The following SOX6 variants were observed in gnomAD, a reference collection of about 807,000 sequenced individuals.
SOX6 encodes the protein transcription factor SOX-6.
A neutral mutation model predicts 97.8 loss-of-function variants in SOX6; 11 were observed. The observed-to-expected ratio is 0.11, with a 90% CI of 0.07 to 0.19. The LOEUF is 0.19. Among genes scored for constraint, SOX6 ranks in the 10% least tolerant of loss-of-function variants. The probability of loss-of-function intolerance (pLI) is 1.00; values close to 1 mark genes in which losing one functional copy is unlikely to be tolerated. For synonymous variants in SOX6, 360 were observed against 371.4 expected, an observed-to-expected ratio of 0.97 and a Z score of 0.35; for missense variants, 810 against 1,039.5, an observed-to-expected ratio of 0.78 and a Z score of 3.04.
chr11:16,509,741 G>C (rs1003693001), intron 4 of SOX6, among the ~76,000 whole-genome samples: 3 of 151,914 alleles, frequency 2.0e-5, no homozygotes, highest in Non-Finnish European at 4.4e-5. Context: ...GCAATAAACA[G>C]CTCTTTCTTC....
At chr11:16,174,646 T>A (rs1160148340) in intron 6 of SOX6, among the ~76,000 whole-genome samples, 1 of 151,946 alleles carries the variant, frequency 6.6e-6, no homozygotes. Flanking sequence ...CTGTTTAACT[T>A]CTTAAATTCT....
intron 3 of SOX6, among the ~76,000 whole-genome samples, chr11:16,612,577 C>CG (rs545800806): frequency 2.6e-3 from 82 of 31,434 alleles, no homozygotes; most frequent in African/African-American, 9.8e-3. Context: ...CACATTGAGG[C>CG]GGGGGGGCGG....
chr11:16,485,964 AGGGGAGG>A (rs1860424374), intron 4 of SOX6, among the ~76,000 whole-genome samples: 1 of 2,384 alleles, frequency 4.2e-4, no homozygotes, highest in Non-Finnish European at 6.2e-4. Context: ...AGGGGAGGGG[AGGGGAGG>A]GGAGGGGAGG....
intron 13 of SOX6, among the ~76,000 whole-genome samples, chr11:16,013,245 T>C (rs1026475410): frequency 2.6e-5 from 4 of 152,042 alleles, no homozygotes; most frequent in South Asian, 4.1e-4. Context: ...ACAGACTGAA[T>C]ACTCCAAAGT....
chr11:16,076,161 G>A (rs1364463411), intron 9 of SOX6, among the ~76,000 whole-genome samples: 1 of 152,052 alleles, frequency 6.6e-6, no homozygotes, highest in Non-Finnish European at 1.5e-5. Flanking sequence ...AAAAATCCTG[G>A]AAGATAACCT....
chr11:16,512,427 A>G (rs1860894373), intron 4 of SOX6, among the ~76,000 whole-genome samples: 3 of 152,342 alleles, frequency 2.0e-5, no homozygotes, highest in Middle Eastern at 3.4e-3. Context: ...CAACTATGCT[A>G]AAATCCATGT....
At chr11:16,490,158 T>G (rs1328154915) in intron 4 of SOX6, among the ~76,000 whole-genome samples, 1 of 152,048 alleles carries the variant, frequency 6.6e-6, no homozygotes, top group East Asian at 1.9e-4. Flanking sequence ...AGCCATATGG[T>G]CTCTCTACTC....
In SOX6 at chr11:16,613,769, T is replaced by C. The variant is rs534019765; in HGVS notation, n.430-1509A>G. On this transcript the variant is annotated intron_variant and non_coding_transcript_variant, in intron 3 of 5. Coordinates refer to the SOX6 transcript ENST00000524520. This position sits in a 1 kb window ranked among gnomAD's most constrained non-coding sequence, Gnocchi z 4.6. ...AAACTAGACTGTTCCGTGGATGAAC[T>C]GCGAGGATGCCGGCGGTCAGGCTTG... Among the ~76,000 whole-genome samples the C allele has an allele frequency of 1.3e-5, 2 of 152,326 alleles. No individual in the cohort carries two copies. Among genetic ancestry groups the C allele is most frequent in the South Asian group, 2.1e-4 (1 of 4,828 alleles).
At chr11:16,115,125 G>A (rs911586096) in intron 6 of SOX6, among the ~76,000 whole-genome samples, 5 of 152,102 alleles carry the variant, frequency 3.3e-5, no homozygotes, top group African/African-American at 9.7e-5. Flanking sequence ...AATAACTTGA[G>A]AGAAAAAGTA....
intron 1 of SOX6, among the ~76,000 whole-genome samples, chr11:16,475,311 G>A (rs920124609): frequency 6.6e-6 from 1 of 152,164 alleles, no homozygotes; most frequent in African/African-American, 2.4e-5. Flanking sequence ...TGGTACAAGA[G>A]GCCTAGCTTT....
At chr11:16,170,483 C>T (rs1851009328) in intron 6 of SOX6, among the ~76,000 whole-genome samples, 1 of 151,684 alleles carries the variant, frequency 6.6e-6, no homozygotes, top group African/African-American at 2.4e-5. Flanking sequence ...TTTTAGATTT[C>T]TTGCCAGATA....
intron 13 of SOX6, among the ~76,000 whole-genome samples, chr11:16,012,745 C>T (rs533948650): frequency 7.1e-4 from 108 of 151,904 alleles, no homozygotes; most frequent in African/African-American, 2.3e-3. Context: ...TGGCTCATAG[C>T]GAGTAATTTA....
At chr11:16,230,490 T>C (rs1039292443) in intron 4 of SOX6, among the ~76,000 whole-genome samples, 1 of 151,610 alleles carries the variant, frequency 6.6e-6, no homozygotes, top group African/African-American at 2.4e-5. Context: ...ATGAAAAATA[T>C]CTCATTCACA....
chr11:16,443,429 A>G (rs955473694), intron 1 of SOX6, among the ~76,000 whole-genome samples: 1 of 152,194 alleles, frequency 6.6e-6, no homozygotes, highest in South Asian at 2.1e-4. Flanking sequence ...TTATCTCTGC[A>G]TTTTGATTTA....
In SOX6 at chr11:16,080,101, AC is replaced by A. The variant is rs566739352; in HGVS notation, c.1101+15894del. ...ACTTAAAGTATAATTAAAAAAAAAA[AC>A]ATTCTCATCACACCAAAAAAAAAAT... On this transcript the variant is annotated intron_variant, in intron 9 of 15. Coordinates refer to ENST00000683767, the MANE Select transcript of SOX6 (RefSeq NM_001367873.1). Among the ~76,000 whole-genome samples, 134 of 151,128 alleles carry A rather than the reference AC, an allele frequency of 8.9e-4. 1 individual carries two copies. The South Asian group carries it at 0.017, about 20-fold the overall frequency.
intron 3 of SOX6, among the ~76,000 whole-genome samples, chr11:16,643,260 A>T (rs374306942): frequency 4.7e-4 from 72 of 152,270 alleles, no homozygotes; most frequent in African/African-American, 1.6e-3. Flanking sequence ...TTGCTGCCTG[A>T]TCCTTCCTCT....
chr11:16,318,321 C>T, intron 3 of SOX6, 125 bp downstream of exon 3: 1 of 1,026,360 alleles, frequency 9.7e-7, no homozygotes, highest in Non-Finnish European at 1.5e-6. Context: ...CTCTGAATAA[C>T]TTTTTCCTAG....
intron 4 of SOX6, among the ~76,000 whole-genome samples, chr11:16,543,981 G>C (rs1847584469): frequency 6.6e-6 from 1 of 152,126 alleles, no homozygotes; most frequent in South Asian, 2.1e-4. Context: ...GATGTCTGTT[G>C]ACAGGTGAAT....
At chr11:16,259,272 A>G (rs1853798130) in intron 3 of SOX6, among the ~76,000 whole-genome samples, 2 of 152,034 alleles carry the variant, frequency 1.3e-5, no homozygotes, top group African/African-American at 4.8e-5. Context: ...ATATTACTTT[A>G]ATAATTTTCT....
Sources: allele counts gnomAD v4.1 joint callset (sites outside exome capture counted in the v4.1 genomes callset), GRCh38; gene constraint gnomAD v4.1.1; non-coding constraint Gnocchi (gnomAD v3.1); transcripts MANE v1.5; gene names NCBI Gene and HGNC (gene_info 2026-07-23, HGNC 2026-07-21).